Variants in CNTLN observed in about 807,000 individuals in gnomAD.
CNTLN encodes the protein centlein, centrosomal protein.
CNTLN carries 212 observed loss-of-function variants against 180.0 expected under a neutral mutation model. The ratio of observed to expected loss-of-function variants is 1.18; its 90% confidence interval spans 1.05 to 1.32. The LOEUF (loss-of-function observed/expected upper bound fraction) is 1.32, where lower values mean the gene tolerates loss of function less well. CNTLN is among the 40% of genes most tolerant of loss of function. CNTLN has a pLI of 0.00. For missense variants in CNTLN, 2,095 were observed against 1,610.9 expected (o/e 1.30, Z -5.14); for synonymous variants, 722 against 563.1 (o/e 1.28, Z -3.99).
At chr9:17,513,320 C>G in the CNTLN span, among the ~76,000 whole-genome samples, 21 of 151,418 alleles carry the variant, frequency 1.4e-4, no homozygotes, top group Admixed American at 7.9e-4. Flanking sequence ...ATAGCTAAAG[C>G]TCTATTTAAA....
the CNTLN span, among the ~76,000 whole-genome samples, chr9:17,523,330 G>T: frequency 3.3e-5 from 5 of 152,118 alleles, 1 homozygote; most frequent in South Asian, 8.3e-4. Flanking sequence ...TCCGCGTCCT[G>T]GTTCAAGCGA....
At chr9:17,295,236 G>A (rs1273935039) in intron 6 of CNTLN, among the ~76,000 whole-genome samples, 2 of 152,112 alleles carry the variant, frequency 1.3e-5, no homozygotes, top group African/African-American at 4.8e-5. Context: ...GCAAGCTGAG[G>A]GAGCCGGCTC....
At chr9:17,253,824 G>A (rs1826303428) in intron 5 of CNTLN, among the ~76,000 whole-genome samples, 1 of 150,204 alleles carries the variant, frequency 6.7e-6, no homozygotes, top group South Asian at 2.1e-4. Context: ...TTGACTAGAA[G>A]TGGTAAAACT....
chr9:17,487,555 C>A (rs944208466), intron 25 of CNTLN, among the ~76,000 whole-genome samples: 1 of 152,082 alleles, frequency 6.6e-6, no homozygotes, highest in South Asian at 2.1e-4. Context: ...AGACCTCGAG[C>A]AGCTTGTTAG....
intron 2 of CNTLN, among the ~76,000 whole-genome samples, chr9:17,149,319 T>C (rs1041694992): frequency 5.9e-5 from 9 of 152,060 alleles, no homozygotes; most frequent in Non-Finnish European, 1.2e-4. Context: ...TTATAATCCT[T>C]TGGGTACATG....
intron 2 of CNTLN, among the ~76,000 whole-genome samples, chr9:17,206,618 G>C (rs1822941154): frequency 6.6e-6 from 1 of 152,116 alleles, no homozygotes; most frequent in Non-Finnish European, 1.5e-5. Flanking sequence ...ATCTGTAAGG[G>C]TATTTTCCTA....
At chr9:17,254,655 A>G (rs1326058459) in intron 5 of CNTLN, among the ~76,000 whole-genome samples, 1 of 151,568 alleles carries the variant, frequency 6.6e-6, no homozygotes, top group African/African-American at 2.4e-5. Flanking sequence ...TGGTCTGTAT[A>G]TCTGTATGTC....
chr9:17,406,527 T>C lies in CNTLN; in HGVS notation c.2616-2766T>C, dbSNP rs12339334. 8.5e-3 allele frequency among the ~76,000 whole-genome samples: 1,284 copies of C among 151,934 alleles called. 49 individuals are homozygous for C. The highest frequency in any genetic ancestry group is 0.029 in the African/African-American group (1,185 of 41,252). On this transcript the variant is annotated intron_variant, in intron 15 of 25. Coordinates refer to ENST00000380647, the MANE Select transcript of CNTLN (RefSeq NM_017738.4). Reference sequence around the variant, plus strand: ...CTAAGTTTTGCTTCAGTATTACTAATGATCAATCTATTTCAGATTTCAGCC... The same window carrying C: ...CTAAGTTTTGCTTCAGTATTACTAACGATCAATCTATTTCAGATTTCAGCC...
chr9:17,423,364 C>T (rs1828862501), intron 18 of CNTLN, among the ~76,000 whole-genome samples: 5 of 152,076 alleles, frequency 3.3e-5, no homozygotes, highest in Admixed American at 2.0e-4. Context: ...GGAGCTAGGG[C>T]CTGGAATCTG....
Position 17,416,053 on chromosome 9 carries a change from A to T in CNTLN, c.2978A>T (p.Gln993Leu), listed in dbSNP as rs749113570. ...CGAGAACGGATTATATCCTTGCAACAACAAAACAGTGTACTTCAGAATGCC... is the reference window on the plus strand; with the variant it reads ...CGAGAACGGATTATATCCTTGCAACTACAAAACAGTGTACTTCAGAATGCC... Reference protein sequence around the residue: ...LLRERIISLQQQNSVLQNAKK... With the variant: ...LLRERIISLQLQNSVLQNAKK... The change falls in exon 18 of 26, where the codon CAA becomes CTA. Residue 993 changes from glutamine (Q) to leucine (L), a missense_variant. Physicochemically the swap from Gln to Leu is moderately radical, Grantham distance 113. Transcript: ENST00000380647. 3.1e-6 allele frequency: 5 copies of T among 1,613,562 alleles called. No homozygotes were observed. The South Asian group carries it at 5.5e-5, about 18-fold the overall frequency.
At chr9:17,322,643 T>G (rs1819997718) in intron 8 of CNTLN, among the ~76,000 whole-genome samples, 2 of 152,154 alleles carry the variant, frequency 1.3e-5, no homozygotes, top group Admixed American at 1.3e-4. Flanking sequence ...TATTCAAAAT[T>G]ACATTACCCT....
At chr9:17,521,809 T>C in the CNTLN span, among the ~76,000 whole-genome samples, 1 of 152,208 alleles carries the variant, frequency 6.6e-6, no homozygotes, top group Non-Finnish European at 1.5e-5. Context: ...TTGGGCTGCT[T>C]CAACAAGTCC....
At chr9:17,387,667 G>A (rs888856197) in intron 13 of CNTLN, among the ~76,000 whole-genome samples, 4 of 152,018 alleles carry the variant, frequency 2.6e-5, no homozygotes, top group African/African-American at 9.7e-5. Flanking sequence ...ACCTCACCCA[G>A]TGCATGATCC....
chr9:17,345,388 G>C (rs1821797565), intron 12 of CNTLN, among the ~76,000 whole-genome samples: 1 of 135,090 alleles, frequency 7.4e-6, no homozygotes, highest in Non-Finnish European at 1.6e-5. Flanking sequence ...TTGCATTATT[G>C]ATAGAGCTAA....
At chr9:17,477,111 A>G (rs1832393134) in intron 23 of CNTLN, among the ~76,000 whole-genome samples, 1 of 152,188 alleles carries the variant, frequency 6.6e-6, no homozygotes, top group African/African-American at 2.4e-5. Flanking sequence ...GGAACAACAA[A>G]GCCTAAATGA....
At chr9:17,513,623 G>A in the CNTLN span, among the ~76,000 whole-genome samples, 5 of 152,144 alleles carry the variant, frequency 3.3e-5, no homozygotes, top group East Asian at 7.7e-4. Context: ...ACTGAACCCA[G>A]GAGGTTGAGG....
At chr9:17,265,369 C>T (rs946181223) in intron 5 of CNTLN, among the ~76,000 whole-genome samples, 5 of 152,140 alleles carry the variant, frequency 3.3e-5, no homozygotes, top group Non-Finnish European at 7.3e-5. Flanking sequence ...GTTGTAACAG[C>T]CTTGCATTCT....
chr9:17,312,929 C>T (rs1309545581), intron 8 of CNTLN, among the ~76,000 whole-genome samples: 1 of 152,100 alleles, frequency 6.6e-6, no homozygotes, highest in Admixed American at 6.5e-5. Context: ...GTTAAAATCT[C>T]TCACATAATT....
chr9:17,301,532 C>T, intron 7 of CNTLN: 2 of 984,550 alleles, frequency 2.0e-6, no homozygotes, highest in South Asian at 9.4e-5. Context: ...ATTTTTGTTT[C>T]TCAGAGATTA....
Sources: gnomAD v4.1 joint callset for allele counts (sites outside exome capture counted in the v4.1 genomes callset) on GRCh38, gnomAD v4.1.1 for gene constraint, MANE v1.5 for transcripts, NCBI Gene and HGNC (gene_info 2026-07-23, HGNC 2026-07-21) for gene names.